The following CREB3L4 variants were observed in gnomAD, a reference collection of about 807,000 sequenced individuals.
CREB3L4 encodes cAMP responsive element binding protein 3 like 4, also known as cyclic AMP-responsive element-binding protein 3-like protein 4.
Under a neutral mutation model 37.0 loss-of-function variants are expected in CREB3L4, and 28 were observed. That is an observed-to-expected ratio of 0.76 (90% CI 0.56 to 1.04). The LOEUF (loss-of-function observed/expected upper bound fraction) is 1.04, where lower values mean the gene tolerates loss of function less well. Among genes scored for constraint, CREB3L4 ranks in the 50% least tolerant of loss-of-function variants. CREB3L4 has a pLI of 0.00. For missense variants in CREB3L4, 462 were observed against 486.0 expected, an observed-to-expected ratio of 0.95 and a Z score of 0.46; for synonymous variants, 175 against 192.2, an observed-to-expected ratio of 0.91 and a Z score of 0.74.
At position 153,974,074 on chromosome 1, in the gene CREB3L4, A is replaced by G. The variant is rs1302216717; in HGVS notation, c.*9A>G. The G allele has an allele frequency of 9.3e-6, 15 of 1,609,548 alleles. No individual in the cohort carries two copies. The East Asian group carries it at 2.7e-4, about 29-fold the overall frequency. The stretch of plus-strand genomic sequence containing the variant: ...ATGCAGATGAGATGTGAGCTGGAAC[A>G]GACCTTCCTGGCCCACTTCCTGATC... On this transcript the variant is annotated 3_prime_UTR_variant, in exon 10 of 10. Transcript: ENST00000368607.
At chr1:153,969,926 ATTT>A (rs982207975) in intron 4 of CREB3L4, among the ~76,000 whole-genome samples, 2 of 117,866 alleles carry the variant, frequency 1.7e-5, no homozygotes, top group Non-Finnish European at 1.7e-5. Flanking sequence ...AACATGAACA[ATTT>A]TTTTTTTTTT....
chr1:153,973,537 A>G, intron 8 of CREB3L4, 73 bp downstream of exon 8: 2 of 1,566,184 alleles, frequency 1.3e-6, no homozygotes, highest in Non-Finnish European at 1.8e-6. Flanking sequence ...GGCCAGATCT[A>G]CTTCCCACAT....
In CREB3L4 at chr1:153,973,280, T is replaced by C. The variant is rs202105870; in HGVS notation, c.812+17T>C. ...GCACAACATGTGAGTGAAAGCATTGTGTGTGTATGTGTGTTTTGAAGGCAG... is the reference window on the plus strand; with the variant it reads ...GCACAACATGTGAGTGAAAGCATTGCGTGTGTATGTGTGTTTTGAAGGCAG... On this transcript the variant is annotated intron_variant, in intron 7 of 9. Coordinates refer to ENST00000368607, the MANE Select transcript of CREB3L4 (RefSeq NM_001255978.2). 1.9e-6 allele frequency: 3 copies of C among 1,613,688 alleles called. No individual in the cohort carries two copies. The highest frequency in any genetic ancestry group is 2.5e-6 in the Non-Finnish European group (3 of 1,179,634).
rs1279888387 is a variant in CREB3L4, at chr1:153,973,261, C to T, written c.810C>T (p.Asn270=). The T allele has an allele frequency of 2.5e-6, 4 of 1,613,938 alleles. No individual in the cohort carries two copies. Among genetic ancestry groups the T allele is most frequent in the Non-Finnish European group, 3.4e-6 (4 of 1,179,960 alleles). ...QKKVQELERH[N]ISLVAQLRQL... is the part of the protein sequence containing the mutation. ...AAGTCCAGGAGCTGGAGAGGCACAA[C>T]ATGTGAGTGAAAGCATTGTGTGTGT... is the stretch of plus-strand genomic sequence containing the variant. Residue 270 remains asparagine (N), a splice_region_variant and synonymous_variant, in exon 7 of 10, where the codon AAC becomes AAT. Transcript: ENST00000368607.
chr1:153,973,120 G>A lies in CREB3L4; in HGVS notation c.743+42G>A, dbSNP rs1414877299. On this transcript the variant is annotated intron_variant, in intron 6 of 9. Coordinates refer to ENST00000368607, the MANE Select transcript of CREB3L4 (RefSeq NM_001255978.2). The stretch of plus-strand genomic sequence containing the variant: ...TCTGGCTTCTTGTGGGCCATGTCTG[G>A]GCCCCTTCCTCACCATGGGAGGCAA... 4 of 1,612,104 alleles carry A rather than the reference G, an allele frequency of 2.5e-6. No homozygotes were observed. In the Admixed American group the frequency reaches 6.7e-5, roughly 27 times the overall value.
chr1:153,972,775 A>G lies in CREB3L4; in HGVS notation c.575A>G (p.Glu192Gly), dbSNP rs1162465568. 1 of 1,613,716 alleles carries G rather than the reference A, an allele frequency of 6.2e-7. No homozygotes were observed. The highest frequency in any genetic ancestry group is 8.5e-7 in the Non-Finnish European group (1 of 1,179,934). The change falls in exon 5 of 10, where the codon GAG (glutamate) becomes GGG (glycine). Residue 192 changes from glutamate to glycine, a missense_variant. Glu to Gly is a moderately conservative substitution (Grantham distance 98). Transcript: ENST00000368607. ...TGTCAAACCCTGTTCCTGACCGATG[A>G]GGAGAAGCGTCTGCTGGGGCAGGAA... ...LPCQTLFLTD[E>G]EKRLLGQEGV...
chr1:153,968,616 C>T lies in CREB3L4; in HGVS notation c.91C>T (p.His31Tyr). ...STGSVLELGL[H>Y]CPPPEVPVTR... ...AGGATCCGTCCTGGAGCTGGGACTC[C>T]ACTGCCCCCCTCCAGAGGTTCCGGT... The change falls in exon 2 of 10, where the codon CAC becomes TAC. Residue 31 changes from histidine (H) to tyrosine (Y), a missense_variant. His to Tyr is a moderately conservative substitution (Grantham distance 83). Coordinates refer to ENST00000368607, the MANE Select transcript of CREB3L4 (RefSeq NM_001255978.2). 1.9e-6 allele frequency: 3 copies of T among 1,614,040 alleles called. No individual in the cohort carries two copies. Among genetic ancestry groups the T allele is most frequent in the East Asian group, 4.5e-5 (2 of 44,880 alleles).
chr1:153,974,046 T>C lies in CREB3L4; in HGVS notation c.1169T>C (p.Leu390Pro), dbSNP rs761476312. 6.2e-7 allele frequency: 1 copy of C among 1,613,842 alleles called. No individual in the cohort carries two copies. Residue 390 changes from leucine to proline, a missense_variant, in exon 10 of 10, where the codon CTG becomes CCG. By Grantham distance (98) the Leu-to-Pro change is moderately conservative. Coordinates refer to ENST00000368607, the MANE Select transcript of CREB3L4 (RefSeq NM_001255978.2). ...CCCAGTGGGCGCATCCGGTCCGTGCTGCATGCAGATGAGATGTGAGCTGGA... is the reference window on the plus strand; with the variant it reads ...CCCAGTGGGCGCATCCGGTCCGTGCCGCATGCAGATGAGATGTGAGCTGGA... ...PRPSGRIRSV[L>P]HADEM
chr1:153,968,753 G>C, intron 2 of CREB3L4, 54 bp downstream of exon 2: 1 of 1,605,140 alleles, frequency 6.2e-7, no homozygotes, highest in Non-Finnish European at 8.5e-7. Context: ...TCTGTGATAA[G>C]AGGCTTCAGC....
chr1:153,969,152 G>A lies in CREB3L4; in HGVS notation c.397G>A (p.Val133Ile). Reference protein sequence around the residue: ...ERMQGETGPNVGLISIQLDQW... With the variant: ...ERMQGETGPNIGLISIQLDQW... ...GATGCAGGGGGAAACTGGGCCAAATGTAGGCCTTATCTCCATCCAGCTAGG... is the reference window on the plus strand; with the variant it reads ...GATGCAGGGGGAAACTGGGCCAAATATAGGCCTTATCTCCATCCAGCTAGG... The change falls in exon 3 of 10, where the codon GTA (valine) becomes ATA (isoleucine). Residue 133 changes from valine to isoleucine, a missense_variant. Transcript: ENST00000368607. 2 of 1,614,182 alleles carry A rather than the reference G, an allele frequency of 1.2e-6. No individual in the cohort carries two copies. The highest frequency in any genetic ancestry group is 1.7e-6 in the Non-Finnish European group (2 of 1,180,034).
Position 153,968,975 on chromosome 1 carries a change from G to C in CREB3L4, c.220G>C (p.Asp74His), listed in dbSNP as rs764693441. 6 of 1,613,536 alleles carry C rather than the reference G, an allele frequency of 3.7e-6. No homozygotes were observed. The Admixed American group carries it at 8.3e-5, about 22-fold the overall frequency. ...TGAAGATTTCTTGAAGCTTTTCATT[G>C]ATCCCAATGAGGTGTACTGCTCAGA... ...EPEDFLKLFI[D>H]PNEVYCSEAS... is the part of the protein sequence containing the mutation. The change falls in exon 3 of 10, where the codon GAT becomes CAT. Residue 74 changes from aspartate to histidine, a missense_variant. Asp to His is a moderately conservative substitution (Grantham distance 81, BLOSUM62 -1). Transcript: ENST00000368607.
Position 153,969,179 on chromosome 1 carries a change from C to T in CREB3L4, c.421+3C>T. The T allele has an allele frequency of 6.2e-7, 1 of 1,614,062 alleles. No individual in the cohort carries two copies. Among genetic ancestry groups the T allele is most frequent in the Non-Finnish European group, 8.5e-7 (1 of 1,180,026 alleles). On this transcript the variant is annotated splice_donor_region_variant and intron_variant, in intron 3 of 9. Transcript: ENST00000368607. ...AGGCCTTATCTCCATCCAGCTAGGT[C>T]AGTGTTCTTTGTGGGAAGGGGGAAA...
intron 4 of CREB3L4, among the ~76,000 whole-genome samples, chr1:153,971,717 A>G (rs1395210202): frequency 6.6e-6 from 1 of 152,016 alleles, no homozygotes; most frequent in Non-Finnish European, 1.5e-5. Flanking sequence ...AGGAACAAGA[A>G]AGGCACATCA....
intron 9 of CREB3L4, 40 bp downstream of exon 9, chr1:153,973,756 G>T (rs762952921): frequency 1.3e-6 from 2 of 1,563,742 alleles, no homozygotes; most frequent in African/African-American, 2.7e-5. Flanking sequence ...GGCTGAGCAA[G>T]GGAGGGGGAC....
intron 8 of CREB3L4, 55 bp downstream of exon 8, chr1:153,973,519 G>T: frequency 6.3e-7 from 1 of 1,579,924 alleles, no homozygotes; most frequent in South Asian, 1.1e-5. Flanking sequence ...CTTATACCCC[G>T]ACTACCCGGC....
rs146937006 is a variant in CREB3L4 at position 153,969,030 on chromosome 1, C to A, written c.275C>A (p.Ser92Tyr). Residue 92 changes from serine to tyrosine, a missense_variant, in exon 3 of 10, where the codon TCT (serine) becomes TAT (tyrosine). Ser to Tyr is a moderately radical substitution (Grantham distance 144). Transcript: ENST00000368607. ...EASPGSDSGI[S>Y]EDPCHPDSPP... The stretch of plus-strand genomic sequence containing the variant: ...TCTCCTGGCAGTGACAGTGGCATCT[C>A]TGAGGACCCCTGCCATCCAGACAGT... The A allele has an allele frequency of 1.7e-3, 2,752 of 1,614,198 alleles. 5 individuals carry two copies. Among genetic ancestry groups the A allele is most frequent in the Non-Finnish European group, 2.1e-3 (2,466 of 1,180,026 alleles).
At chr1:153,971,235 G>T (rs1459426766) in intron 4 of CREB3L4, among the ~76,000 whole-genome samples, 1 of 151,726 alleles carries the variant, frequency 6.6e-6, no homozygotes, top group Non-Finnish European at 1.5e-5. Context: ...GGGCATGGTG[G>T]CGGGTGCCTT....
At chr1:153,972,108 C>G (rs897409271) in intron 4 of CREB3L4, among the ~76,000 whole-genome samples, 13 of 152,214 alleles carry the variant, frequency 8.5e-5, no homozygotes, top group Non-Finnish European at 1.2e-4. Flanking sequence ...CAGGTGTGAG[C>G]CACTGTGCCC....
intron 4 of CREB3L4, among the ~76,000 whole-genome samples, chr1:153,971,587 C>CTT (rs55930906): frequency 0.014 from 1,555 of 107,520 alleles, 17 homozygotes; most frequent in Non-Finnish European, 0.021. Flanking sequence ...TTTTCTTTTT[C>CTT]TTTTTTTTTT....
Sources: allele counts gnomAD v4.1 joint callset (sites outside exome capture counted in the v4.1 genomes callset), GRCh38; gene constraint gnomAD v4.1.1; transcripts MANE v1.5; gene names NCBI Gene and HGNC (gene_info 2026-07-23, HGNC 2026-07-21).